Variants in STK24 observed in about 807,000 individuals in gnomAD.
STK24 encodes the protein serine/threonine-protein kinase 24.
Under a neutral mutation model 55.6 loss-of-function variants are expected in STK24, and 21 were observed. That is an observed-to-expected ratio of 0.38 (90% confidence interval 0.27 to 0.54). STK24 has a LOEUF of 0.54. Ranked by LOEUF, STK24 falls within the 20% of genes least tolerant of loss-of-function variation. STK24 has a pLI of 0.79. For synonymous variants in STK24, 200 were observed against 215.2 expected, an observed-to-expected ratio of 0.93 and a Z score of 0.62; for missense variants, 383 against 538.4, an observed-to-expected ratio of 0.71 and a Z score of 2.86.
At chr13:98,574,013 AT>A (rs1566412213) in intron 1 of STK24, among the ~76,000 whole-genome samples, 2 of 145,526 alleles carry the variant, frequency 1.4e-5, no homozygotes, top group African/African-American at 5.1e-5. Context: ...TTATTTTTTT[AT>A]TTTATTTTTT....
intron 5 of STK24, among the ~76,000 whole-genome samples, chr13:98,474,011 C>T (rs185447496): frequency 6.6e-6 from 1 of 152,250 alleles, no homozygotes; most frequent in East Asian, 1.9e-4. Context: ...AACTTGGAGC[C>T]CAGGAAAGCC....
At chr13:98,507,219 C>T (rs576752379) in intron 2 of STK24, among the ~76,000 whole-genome samples, 3 of 152,312 alleles carry the variant, frequency 2.0e-5, no homozygotes, top group Admixed American at 6.5e-5. Flanking sequence ...AGAGGGAATC[C>T]GGTAAGAAAA....
chr13:98,575,406 T>C (rs5001065), intron 1 of STK24, among the ~76,000 whole-genome samples: 96,549 of 148,360 alleles, frequency 0.65, 31,525 homozygotes, highest in Non-Finnish European at 0.72. Flanking sequence ...TGCTTATATA[T>C]ACACACACAC....
intron 1 of STK24, among the ~76,000 whole-genome samples, chr13:98,540,895 C>A (rs1896868879): frequency 1.3e-5 from 2 of 151,602 alleles, no homozygotes; most frequent in Admixed American, 1.3e-4. Context: ...CTTAACAGGA[C>A]CCATTTAAGA....
chr13:98,452,143 CAA>C lies in STK24; in HGVS notation c.*1028_*1029del, dbSNP rs1389832731. ...CCCTGTCCTCTGAAGAGTCACATTT[CAA>C]GGAGTATGCAAAATAAGCGTGTTAT... is the stretch of plus-strand genomic sequence containing the variant. On this transcript the variant is annotated 3_prime_UTR_variant, in exon 11 of 11. Transcript: ENST00000539966. 2.6e-5 allele frequency: 4 copies of C among 152,146 alleles called. No homozygotes were observed. Among genetic ancestry groups the C allele is most frequent in the African/African-American group, 9.7e-5 (4 of 41,424 alleles). 9.4% of individuals were successfully genotyped at this position (152,146 alleles called of 1,614,324 possible).
chr13:98,542,270 G>C (rs1364186792), intron 1 of STK24, among the ~76,000 whole-genome samples: 1 of 152,140 alleles, frequency 6.6e-6, no homozygotes, highest in Admixed American at 6.5e-5. Flanking sequence ...CAACGTTTTG[G>C]AAGGTGTGCA....
intron 1 of STK24, among the ~76,000 whole-genome samples, chr13:98,572,660 A>G (rs1456053035): frequency 6.6e-6 from 1 of 152,114 alleles, no homozygotes; most frequent in African/African-American, 2.4e-5. Context: ...GCAAAGGTCT[A>G]TTTATCCAAG....
rs755112984 is a variant in STK24 at position 98,463,712 on chromosome 13, G to C, written c.908C>G (p.Ser303Trp). 13 of 1,613,886 alleles carry C rather than the reference G, an allele frequency of 8.1e-6. No individual in the cohort carries two copies. Among genetic ancestry groups the C allele is most frequent in the Admixed American group, 1.7e-5 (1 of 59,980 alleles). Reference sequence around the variant, plus strand: ...TTACGCGTCGGAATCCTCGGAGCTCGAGTCGTCATGGCTCTGCTCGGCCTT... The same window carrying C: ...TTACGCGTCGGAATCCTCGGAGCTCCAGTCGTCATGGCTCTGCTCGGCCTT... ...RWKAEQSHDD[S>W]SSEDSDAETD... The change falls in exon 7 of 11, where the codon TCG becomes TGG. Residue 303 changes from serine to tryptophan, a missense_variant. By Grantham distance (177) the Ser-to-Trp change is radical. Coordinates refer to ENST00000539966, the MANE Select transcript of STK24 (RefSeq NM_001032296.4).
At chr13:98,514,200 C>T (rs559758795) in intron 2 of STK24, among the ~76,000 whole-genome samples, 2 of 152,264 alleles carry the variant, frequency 1.3e-5, no homozygotes, top group South Asian at 2.1e-4. Flanking sequence ...ATTAGTTATG[C>T]GGGGGAGAAG....
chr13:98,473,001 A>G (rs961811040), intron 5 of STK24, among the ~76,000 whole-genome samples: 1 of 151,880 alleles, frequency 6.6e-6, no homozygotes, highest in African/African-American at 2.4e-5. Flanking sequence ...CTCTAGGGAT[A>G]TTTGTCACCT....
intron 2 of STK24, among the ~76,000 whole-genome samples, chr13:98,485,803 G>A (rs17574433): frequency 0.2 from 31,156 of 152,278 alleles, 3,877 homozygotes; most frequent in Non-Finnish European, 0.28. Context: ...TCCAGCCGCT[G>A]AAGGTCGGCC....
intron 1 of STK24, among the ~76,000 whole-genome samples, chr13:98,547,115 T>C (rs1386832883): frequency 3.9e-5 from 6 of 152,182 alleles, no homozygotes; most frequent in Admixed American, 1.3e-4. Flanking sequence ...GGTTTCACCA[T>C]GTTAGCCAGG....
At chr13:98,558,902 C>T (rs1897341772) in intron 1 of STK24, among the ~76,000 whole-genome samples, 1 of 149,664 alleles carries the variant, frequency 6.7e-6, no homozygotes, top group Non-Finnish European at 1.5e-5. Context: ...CGGTGGCTCA[C>T]GCCTGTAATC....
intron 1 of STK24, among the ~76,000 whole-genome samples, chr13:98,569,750 C>T (rs949264252): frequency 2.0e-5 from 3 of 151,616 alleles, no homozygotes; most frequent in African/African-American, 7.3e-5. Context: ...CATCTCTCTG[C>T]TGGGGGAGAG....
Position 98,490,475 on chromosome 13 carries a change from C to G in STK24, c.274-8154G>C, listed in dbSNP as rs76144352. On this transcript the variant is annotated intron_variant, in intron 2 of 10. Coordinates refer to ENST00000539966, the MANE Select transcript of STK24 (RefSeq NM_001032296.4). ...GGAAAACATTACATCCTGTGGGTCA[C>G]TCTTCCCATGTACTACCCTAGTTCC... Among the ~76,000 whole-genome samples the G allele has an allele frequency of 8.3e-3, 1,262 of 152,240 alleles. 16 individuals carry two copies. The highest frequency in any genetic ancestry group is 0.028 in the African/African-American group (1,147 of 41,528).
intron 10 of STK24, chr13:98,454,748 G>A (rs892917840): frequency 6.6e-6 from 1 of 152,206 alleles, no homozygotes; most frequent in Non-Finnish European, 1.5e-5. Flanking sequence ...GGCAGCCATC[G>A]GGGTGAACGC....
intron 1 of STK24, among the ~76,000 whole-genome samples, chr13:98,523,878 G>A (rs1265801917): frequency 2.6e-5 from 4 of 152,192 alleles, no homozygotes; most frequent in South Asian, 2.1e-4. Context: ...CGGAGGCCCC[G>A]ACGGCCCATG....
intron 5 of STK24, among the ~76,000 whole-genome samples, chr13:98,469,317 C>T (rs9517315): frequency 0.065 from 9,849 of 152,186 alleles, 404 homozygotes; most frequent in Non-Finnish European, 0.071. Context: ...GGGAGGCCGA[C>T]GCAGGCAGAT....
chr13:98,521,916 CCT>C (rs995901906), intron 1 of STK24: 7 of 1,030,334 alleles, frequency 6.8e-6, no homozygotes, highest in Non-Finnish European at 9.2e-6. Flanking sequence ...TCCATTCACC[CCT>C]CTCTGCTGGC....
Sources: gnomAD v4.1 joint callset for allele counts (sites outside exome capture counted in the v4.1 genomes callset) on GRCh38, gnomAD v4.1.1 for gene constraint, MANE v1.5 for transcripts, NCBI Gene and HGNC (gene_info 2026-07-23, HGNC 2026-07-21) for gene names.